The following TSPEAR variants were observed in gnomAD, a reference collection of about 807,000 sequenced individuals.
TSPEAR encodes the protein thrombospondin-type laminin G domain and EAR repeat-containing protein.
A neutral mutation model predicts 71.6 loss-of-function variants in TSPEAR; 69 were observed. The observed-to-expected ratio is 0.96, with a 90% CI of 0.79 to 1.18. The LOEUF (loss-of-function observed/expected upper bound fraction) is 1.18, where lower values mean the gene tolerates loss of function less well. Ranked by LOEUF, TSPEAR falls within the 50% of genes most tolerant of loss-of-function variation. TSPEAR has a pLI of 0.00. For missense variants in TSPEAR, 971 were observed against 894.9 expected (o/e 1.09, Z -1.09); for synonymous variants, 402 against 387.2 (o/e 1.04, Z -0.45).
Position 44,499,189 on chromosome 21 carries a change from CG to C in TSPEAR, c.*593del, listed in dbSNP as rs1480736588. 1 of 152,236 alleles carries C rather than the reference CG, an allele frequency of 6.6e-6. No individual in the cohort carries two copies. The highest frequency in any genetic ancestry group is 1.5e-5 in the Non-Finnish European group (1 of 68,076). 9.4% of individuals were successfully genotyped at this position (152,236 alleles called of 1,614,324 possible). A position where few individuals can be genotyped will look rare whatever the true frequency, so the allele number is the denominator to read the frequency against. ...TTCTGACCTCGCGCTAGTGCATTTACGGGTAAACTGAGGCTGGGAGGGAAGC... is the reference window on the plus strand; with the variant it reads ...TTCTGACCTCGCGCTAGTGCATTTACGGTAAACTGAGGCTGGGAGGGAAGC... On this transcript the variant is annotated 3_prime_UTR_variant, in exon 12 of 12. Transcript: ENST00000323084.
At chr21:44,535,914 AAAAG>A (rs2053082897) in intron 2 of TSPEAR, among the ~76,000 whole-genome samples, 1 of 140,062 alleles carries the variant, frequency 7.1e-6, no homozygotes. Flanking sequence ...AAAAAAGGAA[AAAAG>A]AAAAAAAAAA....
At chr21:44,512,278 C>T (rs1179127307) in intron 9 of TSPEAR, among the ~76,000 whole-genome samples, 16 of 139,058 alleles carry the variant, frequency 1.2e-4, no homozygotes, top group African/African-American at 1.6e-4. Context: ...TGTATGTGGA[C>T]GGCTCTGAGA....
intron 9 of TSPEAR, among the ~76,000 whole-genome samples, chr21:44,513,480 C>T (rs1555912979): frequency 1.3e-5 from 2 of 152,352 alleles, no homozygotes; most frequent in South Asian, 2.1e-4. Flanking sequence ...AGCCAAGCGA[C>T]CAGGCACCTG....
At chr21:44,500,345 C>G (rs1157088083) in intron 11 of TSPEAR, among the ~76,000 whole-genome samples, 1 of 152,236 alleles carries the variant, frequency 6.6e-6, no homozygotes, top group East Asian at 1.9e-4. Context: ...GAGCCCAGCT[C>G]TCTGCCCGCT....
At chr21:44,697,435 C>T in intron 1 of TSPEAR, 1 of 1,614,040 alleles carries the variant, frequency 6.2e-7, no homozygotes, top group South Asian at 1.1e-5. Flanking sequence ...GCTGCACCAG[C>T]TCCTGCACGC....
chr21:44,662,828 C>A (rs782692396), intron 1 of TSPEAR, among the ~76,000 whole-genome samples: 6 of 152,094 alleles, frequency 3.9e-5, no homozygotes, highest in Admixed American at 6.5e-5. Context: ...AAACACCCTG[C>A]AGAACTGTAA....
In TSPEAR at chr21:44,646,479, T is replaced by C. The variant is rs201588729; in HGVS notation, c.82+64954A>G. ...CCAGCATGGCCGCGTCCACCATGTC[T>C]GTCTGCTCCAGCGCTTACTCCGACT... On this transcript the variant is annotated intron_variant, in intron 1 of 11. Coordinates refer to ENST00000323084, the MANE Select transcript of TSPEAR (RefSeq NM_144991.3). 113 of 1,612,544 alleles carry C rather than the reference T, an allele frequency of 7.0e-5. No individual in the cohort carries two copies. Among genetic ancestry groups the C allele is most frequent in the Non-Finnish European group, 8.1e-5 (96 of 1,179,706 alleles).
At chr21:44,518,696 A>G (rs1555913857) in intron 9 of TSPEAR, 1 of 470,558 alleles carries the variant, frequency 2.1e-6, no homozygotes, top group African/African-American at 2.0e-5. Context: ...CATTCGTTAG[A>G]TGATTGGAAG....
At position 44,565,745 on chromosome 21, in the gene TSPEAR, A is replaced by G. The variant is rs910123449; in HGVS notation, c.303+2040T>C. 2.0e-5 allele frequency among the ~76,000 whole-genome samples: 3 copies of G among 152,254 alleles called. No individual in the cohort carries two copies. The South Asian group carries it at 6.2e-4, about 31-fold the overall frequency. On this transcript the variant is annotated intron_variant, in intron 2 of 11. Transcript: ENST00000323084. ...TTAAGGGCATCTATGAAGAATCCAC[A>G]GTTAATATTATACTTAGTGGGAAAA...
rs11911708 is a variant in TSPEAR, at chr21:44,703,110, C to A, written c.82+8323G>T. Among the ~76,000 whole-genome samples, 943 of 152,354 alleles carry A rather than the reference C, an allele frequency of 6.2e-3. 16 individuals carry two copies. Among genetic ancestry groups the A allele is most frequent in the African/African-American group, 0.021 (889 of 41,578 alleles). On this transcript the variant is annotated intron_variant, in intron 1 of 11. Coordinates refer to ENST00000323084, the MANE Select transcript of TSPEAR (RefSeq NM_144991.3). ...CCAAGCCATTGGCCGCCCTTGCCCA[C>A]CACGTGCCTTGCACAATGAATAAAC... is the stretch of plus-strand genomic sequence containing the variant.
At chr21:44,589,646 G>C (rs1208792575) in intron 1 of TSPEAR, among the ~76,000 whole-genome samples, 1 of 152,220 alleles carries the variant, frequency 6.6e-6, no homozygotes, top group African/African-American at 2.4e-5. Flanking sequence ...GGGGTCAGAG[G>C]TGAGACCCCC....
At chr21:44,665,529 T>C (rs1555944470) in intron 1 of TSPEAR, among the ~76,000 whole-genome samples, 1 of 152,202 alleles carries the variant, frequency 6.6e-6, no homozygotes, top group Admixed American at 6.5e-5. Flanking sequence ...TCACCAGAAA[T>C]TACTAAATTA....
intron 1 of TSPEAR, among the ~76,000 whole-genome samples, chr21:44,585,769 G>A (rs1284775412): frequency 6.6e-6 from 1 of 152,180 alleles, no homozygotes; most frequent in African/African-American, 2.4e-5. Context: ...GTTTCATGGA[G>A]TAACGGCCTC....
At chr21:44,684,606 C>T (rs576931619) in intron 1 of TSPEAR, among the ~76,000 whole-genome samples, 3 of 152,332 alleles carry the variant, frequency 2.0e-5, no homozygotes, top group African/African-American at 4.8e-5. Context: ...TCCTCCCCTG[C>T]AGATGTGCGC....
chr21:44,673,752 T>C (rs1248634098), intron 1 of TSPEAR, among the ~76,000 whole-genome samples: 2 of 152,114 alleles, frequency 1.3e-5, no homozygotes, highest in Non-Finnish European at 2.9e-5. Context: ...ATCAAAATAA[T>C]ATCAAGTATC....
At chr21:44,513,341 A>C (rs587640897) in intron 9 of TSPEAR, among the ~76,000 whole-genome samples, 21 of 152,228 alleles carry the variant, frequency 1.4e-4, no homozygotes, top group African/African-American at 5.1e-4. Context: ...GTGCCAACCC[A>C]GGCAGAGGGT....
chr21:44,708,223 G>C (rs1222947792), intron 1 of TSPEAR, among the ~76,000 whole-genome samples: 1 of 152,120 alleles, frequency 6.6e-6, no homozygotes, highest in Non-Finnish European at 1.5e-5. Context: ...CCTGGTCTGA[G>C]TGGGGAGCTG....
At chr21:44,529,186 C>A (rs1047892541) in intron 5 of TSPEAR, among the ~76,000 whole-genome samples, 36 of 152,214 alleles carry the variant, frequency 2.4e-4, no homozygotes, top group African/African-American at 7.7e-4. Flanking sequence ...CTGTTCTCCA[C>A]CTCACTGCCC....
chr21:44,674,364 C>T lies in TSPEAR; in HGVS notation c.82+37069G>A, dbSNP rs964883212. 2.0e-5 allele frequency among the ~76,000 whole-genome samples: 3 copies of T among 151,182 alleles called. No individual in the cohort carries two copies. In the Admixed American group the frequency reaches 2.0e-4, roughly 10 times the overall value. On this transcript the variant is annotated intron_variant, in intron 1 of 11. Transcript: ENST00000323084. ...TAACCAAGCAAAAAAGAAAGAAGAC[C>T]CCAATACACAAAATCAGAAATGAAA...
Sources: gnomAD v4.1 joint callset for allele counts (sites outside exome capture counted in the v4.1 genomes callset) on GRCh38, gnomAD v4.1.1 for gene constraint, MANE v1.5 for transcripts, NCBI Gene and HGNC (gene_info 2026-07-23, HGNC 2026-07-21) for gene names.